The following PTK2 variants were observed in gnomAD, a reference collection of about 807,000 sequenced individuals.
The protein encoded by PTK2 is protein tyrosine kinase 2.
A neutral mutation model predicts 150.1 loss-of-function variants in PTK2; 45 were observed. The observed-to-expected ratio is 0.30, with a 90% CI of 0.24 to 0.38. The LOEUF is 0.38. Among genes scored for constraint, PTK2 ranks in the 10% least tolerant of loss-of-function variants. PTK2 has a pLI of 1.00. For synonymous variants in PTK2, 432 were observed against 449.2 expected, an observed-to-expected ratio of 0.96 and a Z score of 0.48; for missense variants, 919 against 1,307.3, an observed-to-expected ratio of 0.70 and a Z score of 4.58.
At chr8:140,848,239 C>G (rs2100126877) in intron 5 of PTK2, among the ~76,000 whole-genome samples, 1 of 152,204 alleles carries the variant, frequency 6.6e-6, no homozygotes, top group African/African-American at 2.4e-5. Context: ...TGAGCATACT[C>G]TCTTTAACCT....
chr8:140,737,769 C>T (rs1047206196), intron 21 of PTK2, among the ~76,000 whole-genome samples: 7 of 152,098 alleles, frequency 4.6e-5, no homozygotes, highest in African/African-American at 1.7e-4. Flanking sequence ...GAAATGTTAA[C>T]ATGTAAAAAA....
intron 15 of PTK2, 76 bp downstream of exon 18, chr8:140,762,292 A>C: frequency 2.3e-6 from 2 of 883,318 alleles, no homozygotes; most frequent in Non-Finnish European, 2.8e-6. Context: ...AAGTTAACCA[A>C]AAACTGAAAC....
intron 2 of PTK2, among the ~76,000 whole-genome samples, chr8:140,902,429 G>C (rs1287700344): frequency 6.6e-6 from 1 of 152,210 alleles, no homozygotes; most frequent in Non-Finnish European, 1.5e-5. Flanking sequence ...ACATACATGT[G>C]CATGTGTCTT....
At chr8:140,698,501 T>A (rs776534210) in intron 26 of PTK2, among the ~76,000 whole-genome samples, 2 of 152,226 alleles carry the variant, frequency 1.3e-5, no homozygotes, top group African/African-American at 2.4e-5. Context: ...TCACCCAGGC[T>A]GGAGTGCAGT....
rs139631129 is a variant in PTK2, at chr8:140,938,483, C to T, written c.-121-12734G>A. Among the ~76,000 whole-genome samples, 659 of 152,290 alleles carry T rather than the reference C, an allele frequency of 4.3e-3. 6 individuals carry two copies. The Middle Eastern group carries it at 0.054, about 13-fold the overall frequency. Reference sequence around the variant, plus strand: ...TTTTGCTGTCTGTCACAAGGATTGTCGCAATCCTCTGTAAGTTTCCCCAAT... The same window carrying T: ...TTTTGCTGTCTGTCACAAGGATTGTTGCAATCCTCTGTAAGTTTCCCCAAT... On this transcript the variant is annotated intron_variant, in intron 1 of 31. Coordinates refer to ENST00000522684, the Ensembl canonical transcript of PTK2.
rs71310809 is a variant in PTK2, at chr8:140,970,889, CA to C, written c.-122+30235del. On this transcript the variant is annotated intron_variant, in intron 1 of 31. Coordinates refer to ENST00000522684, the Ensembl canonical transcript of PTK2. ...GACTACAACAGACAAAGAAATATGT[CA>C]AAAAAAAAAACCAAAAAACAAAAAA... is the stretch of plus-strand genomic sequence containing the variant. 5.0e-3 allele frequency among the ~76,000 whole-genome samples: 725 copies of C among 144,640 alleles called. 6 individuals are homozygous for C. Among genetic ancestry groups the C allele is most frequent in the African/African-American group, 0.017 (674 of 38,846 alleles). 94.9% of individuals were successfully genotyped at this position (144,640 alleles called of 152,430 possible).
At chr8:140,937,050 TAAC>T (rs1322800879) in intron 1 of PTK2, among the ~76,000 whole-genome samples, 1 of 152,120 alleles carries the variant, frequency 6.6e-6, no homozygotes, top group Non-Finnish European at 1.5e-5. Flanking sequence ...TAAAGATAAT[TAAC>T]AGCAACAACT....
chr8:140,895,829 C>T (rs947512438), intron 2 of PTK2, among the ~76,000 whole-genome samples: 2 of 151,726 alleles, frequency 1.3e-5, no homozygotes, highest in East Asian at 1.9e-4. Context: ...TCTCATGTAC[C>T]CCATAAATAT....
At chr8:140,890,546 G>A (rs771319395) in exon 3 of PTK2, 4 of 1,612,754 alleles carry the variant, frequency 2.5e-6, no homozygotes, top group Admixed American at 1.7e-5. Context: ...TACTTACCCT[G>A]ACATCAGTAG....
chr8:140,830,521 T>A, exon 8 of PTK2: 1 of 1,521,248 alleles, frequency 6.6e-7, no homozygotes, highest in Non-Finnish European at 8.9e-7. Context: ...TAAACCAACA[T>A]CTTTTCTGAA....
chr8:140,676,971 A>C (rs2100014293), intron 27 of PTK2, among the ~76,000 whole-genome samples: 1 of 150,662 alleles, frequency 6.6e-6, no homozygotes, highest in Non-Finnish European at 1.5e-5. Context: ...AAATGACTTA[A>C]TGGGTATAAT....
At chr8:140,980,899 C>T (rs1252084861) in intron 1 of PTK2, among the ~76,000 whole-genome samples, 13 of 150,412 alleles carry the variant, frequency 8.6e-5, no homozygotes, top group South Asian at 4.2e-4. Flanking sequence ...TACAGGTGCC[C>T]GCCACCATGG....
intron 1 of PTK2, among the ~76,000 whole-genome samples, chr8:140,987,089 G>A (rs906227678): frequency 1.6e-4 from 24 of 152,090 alleles, no homozygotes; most frequent in African/African-American, 4.8e-4. Context: ...GCCATAACCT[G>A]GGAGAAAAAT....
chr8:140,827,121 C>A (rs1025358735), intron 8 of PTK2, among the ~76,000 whole-genome samples: 5 of 152,086 alleles, frequency 3.3e-5, no homozygotes, highest in Admixed American at 2.6e-4. Flanking sequence ...AGAGATCATA[C>A]TGCACACTCT....
intron 2 of PTK2, chr8:140,921,332 C>T (rs1264327139): frequency 5.5e-6 from 1 of 182,724 alleles, no homozygotes. Flanking sequence ...ATTCATCCAG[C>T]AGTCTTCTGT....
At position 140,910,551 on chromosome 8, in the gene PTK2, A is replaced by ATAGG. The variant is rs376753463; in HGVS notation, c.-33+15109_-33+15110insCCTA. On this transcript the variant is annotated intron_variant, in intron 2 of 31. Coordinates refer to ENST00000522684, the Ensembl canonical transcript of PTK2. ...ATATTAAGGGACTCCAACCCTTGAA[A>ATAGG]GTGACTGCTATAGAAGTCTTTCTTC... Among the ~76,000 whole-genome samples the ATAGG allele has an allele frequency of 3.4e-3, 515 of 152,302 alleles. 6 individuals are homozygous for ATAGG. Among genetic ancestry groups the ATAGG allele is most frequent in the African/African-American group, 0.012 (486 of 41,558 alleles).
intron 10 of PTK2, among the ~76,000 whole-genome samples, chr8:140,818,003 A>C (rs73714760): frequency 0.026 from 3,979 of 152,272 alleles, 150 homozygotes; most frequent in African/African-American, 0.09. Flanking sequence ...TTAGTATTTA[A>C]AACTTCTCCA....
intron 1 of PTK2, among the ~76,000 whole-genome samples, chr8:140,942,157 G>C (rs1309348612): frequency 6.6e-6 from 1 of 152,174 alleles, no homozygotes; most frequent in Non-Finnish European, 1.5e-5. Context: ...GGGATTACAG[G>C]CATGAACCTC....
intron 22 of PTK2, among the ~76,000 whole-genome samples, chr8:140,724,543 T>G (rs1244377409): frequency 2.6e-5 from 4 of 152,204 alleles, no homozygotes; most frequent in Non-Finnish European, 1.5e-5. Flanking sequence ...TAAGGATCTG[T>G]TTTATGATCC....
Sources: allele counts gnomAD v4.1 joint callset (sites outside exome capture counted in the v4.1 genomes callset), GRCh38; gene constraint gnomAD v4.1.1; transcripts MANE v1.5; gene names NCBI Gene and HGNC (gene_info 2026-07-23, HGNC 2026-07-21).